The following AP3M1 variants were observed in gnomAD, a reference collection of about 807,000 sequenced individuals.
The protein encoded by AP3M1 is AP-3 complex subunit mu-1.
Under a neutral mutation model 42.6 loss-of-function variants are expected in AP3M1, and 29 were observed. That is an observed-to-expected ratio of 0.68 (90% CI 0.51 to 0.93). The LOEUF (loss-of-function observed/expected upper bound fraction) is 0.93, where lower values mean the gene tolerates loss of function less well. AP3M1 is among the 40% of genes least tolerant of loss of function. The pLI, the probability that AP3M1 is intolerant of heterozygous loss-of-function variation, is 0.00. For missense variants in AP3M1, 416 were observed against 510.2 expected, an observed-to-expected ratio of 0.82 and a Z score of 1.78; for synonymous variants, 178 against 175.3, an observed-to-expected ratio of 1.02 and a Z score of -0.12.
intron 1 of AP3M1, among the ~76,000 whole-genome samples, chr10:74,139,460 A>C (rs533003601): frequency 3.5e-4 from 53 of 151,770 alleles, no homozygotes; most frequent in South Asian, 2.9e-3. Flanking sequence ...TTAAAAAAAA[A>C]AAAACAAAAC....
At chr10:74,126,828 G>A (rs1840629771) in intron 6 of AP3M1, among the ~76,000 whole-genome samples, 1 of 151,220 alleles carries the variant, frequency 6.6e-6, no homozygotes, top group Non-Finnish European at 1.5e-5. Flanking sequence ...AAAATTAGCT[G>A]GGTGTGGTGG....
chr10:74,142,711 T>C (rs1300445316), intron 1 of AP3M1, among the ~76,000 whole-genome samples: 2 of 152,234 alleles, frequency 1.3e-5, no homozygotes, highest in African/African-American at 2.4e-5. Context: ...CTTTGCTTAG[T>C]AGGCTTGCTT....
intron 7 of AP3M1, among the ~76,000 whole-genome samples, 192 bp from the exon 8 acceptor site, chr10:74,124,716 A>T (rs7904207): frequency 0.17 from 25,703 of 152,140 alleles, 2,516 homozygotes; most frequent in African/African-American, 0.27. Flanking sequence ...AGAGCAGAGA[A>T]TCTACATTTG....
At chr10:74,138,976 A>G (rs2131987112) in intron 1 of AP3M1, 1 of 151,862 alleles carries the variant, frequency 6.6e-6, no homozygotes, top group South Asian at 2.1e-4. Context: ...TAACCTGATG[A>G]AAACCCCACA....
intron 4 of AP3M1, among the ~76,000 whole-genome samples, chr10:74,132,568 G>A (rs569616921): frequency 1.4e-4 from 22 of 151,842 alleles, no homozygotes; most frequent in Middle Eastern, 3.4e-3. Context: ...GGTGGCGTGT[G>A]GCGTGTACCT....
intron 1 of AP3M1, among the ~76,000 whole-genome samples, chr10:74,147,100 T>C (rs1056156469): frequency 3.3e-5 from 5 of 152,008 alleles, no homozygotes; most frequent in African/African-American, 1.2e-4. Flanking sequence ...CTGGCCAACA[T>C]GGTGAAATCC....
intron 1 of AP3M1, among the ~76,000 whole-genome samples, chr10:74,149,180 A>G (rs1237222022): frequency 2.0e-5 from 3 of 147,376 alleles, no homozygotes; most frequent in Non-Finnish European, 4.5e-5. Context: ...GCCGTATATT[A>G]TATTAAATGG....
At chr10:74,132,377 AC>A (rs1564547274) in intron 4 of AP3M1, among the ~76,000 whole-genome samples, 1 of 152,102 alleles carries the variant, frequency 6.6e-6, no homozygotes, top group Non-Finnish European at 1.5e-5. Flanking sequence ...CTTATAGAGT[AC>A]TATTGTTTTG....
At chr10:74,133,108 G>A (rs1411465111) in intron 4 of AP3M1, among the ~76,000 whole-genome samples, 3 of 151,776 alleles carry the variant, frequency 2.0e-5, no homozygotes, top group African/African-American at 7.3e-5. Flanking sequence ...CAAAAAATTA[G>A]CCAGGGCCGG....
rs1840504138 is a variant in AP3M1, at chr10:74,122,735, C to T, written c.*1075G>A. On this transcript the variant is annotated 3_prime_UTR_variant, in exon 9 of 9. Transcript: ENST00000355264. The stretch of plus-strand genomic sequence containing the variant: ...TATGACTATAGCTTTGGGAAGCACA[C>T]AATATGAAAAGGGAATTTCCCCTAA... The T allele has an allele frequency of 6.6e-6, 1 of 152,142 alleles. No individual in the cohort carries two copies. Among genetic ancestry groups the T allele is most frequent in the Admixed American group, 6.5e-5 (1 of 15,272 alleles). 9.4% of individuals were successfully genotyped at this position (152,142 alleles called of 1,614,324 possible).
chr10:74,129,310 G>A (rs998982691), intron 5 of AP3M1, 69 bp from the exon 6 acceptor site: 87 of 1,512,170 alleles, frequency 5.8e-5, no homozygotes, highest in Non-Finnish European at 7.6e-5. Flanking sequence ...CAGATACCTT[G>A]ACAAATATGT....
At chr10:74,140,022 GAAC>G (rs1011122146) in intron 1 of AP3M1, among the ~76,000 whole-genome samples, 2 of 152,084 alleles carry the variant, frequency 1.3e-5, no homozygotes, top group African/African-American at 2.4e-5. Flanking sequence ...TCTTGAAAAG[GAAC>G]AACAGGGGCG....
chr10:74,129,960 T>C lies in AP3M1; in HGVS notation c.616A>G (p.Ile206Val), dbSNP rs1435134089. Residue 206 changes from isoleucine (I) to valine (V), a missense_variant, in exon 5 of 9, where the codon ATT becomes GTT. By Grantham distance (29) the Ile-to-Val change is conservative. Transcript: ENST00000355264. ...STVFAEIQGV[I>V]DACIKLSGMP... ...CCAGATAGTTTAATGCAAGCATCAA[T>C]GACCCCCTGAATTTCTGCAAAGACT... is the stretch of plus-strand genomic sequence containing the variant. 2.5e-6 allele frequency: 4 copies of C among 1,612,656 alleles called. No homozygotes were observed. Among genetic ancestry groups the C allele is most frequent in the African/African-American group, 1.3e-5 (1 of 74,482 alleles).
Position 74,134,180 on chromosome 10 carries a change from G to A in AP3M1, c.446-16C>T, listed in dbSNP as rs1366942233. The A allele has an allele frequency of 1.9e-6, 3 of 1,610,152 alleles. No individual in the cohort carries two copies. The Admixed American group carries it at 5.1e-5, about 27-fold the overall frequency. On this transcript the variant is annotated splice_polypyrimidine_tract_variant and intron_variant, in intron 3 of 8. Coordinates refer to ENST00000355264, the MANE Select transcript of AP3M1 (RefSeq NM_012095.6). ...TTACTACTGCCTAGAAACCAAAAAA[G>A]GAGAAGGCAAAGCTGATGTATAAAA...
chr10:74,121,468 T>C lies in AP3M1; in HGVS notation c.*2342A>G, dbSNP rs1422231413. The stretch of plus-strand genomic sequence containing the variant: ...TGTAACTCTGTGCTTGAAAAATATT[T>C]TACTACTACTAAGTATTCAGAAATC... On this transcript the variant is annotated 3_prime_UTR_variant, in exon 9 of 9. Coordinates refer to ENST00000355264, the MANE Select transcript of AP3M1 (RefSeq NM_012095.6). The C allele has an allele frequency of 6.6e-6, 1 of 152,258 alleles. No homozygotes were observed. Among genetic ancestry groups the C allele is most frequent in the Admixed American group, 6.5e-5 (1 of 15,282 alleles). 9.4% of individuals were successfully genotyped at this position (152,258 alleles called of 1,614,324 possible). A position where few individuals can be genotyped will look rare whatever the true frequency, so the allele number is the denominator to read the frequency against.
At chr10:74,125,692 G>A (rs757679751) in intron 7 of AP3M1, among the ~76,000 whole-genome samples, 20 of 152,210 alleles carry the variant, frequency 1.3e-4, no homozygotes, top group Non-Finnish European at 2.5e-4. Flanking sequence ...TAAGTAGAGT[G>A]AGGAAGCAAC....
chr10:74,137,895 C>A lies in AP3M1; in HGVS notation c.273+212G>T, dbSNP rs1018554127. ...ATGCAGAACCCATGTATATGGAGAGCCAACTGTAATCTGTAATACATATAA... is the reference window on the plus strand; with the variant it reads ...ATGCAGAACCCATGTATATGGAGAGACAACTGTAATCTGTAATACATATAA... On this transcript the variant is annotated intron_variant, in intron 2 of 8. Transcript: ENST00000355264. Among the ~76,000 whole-genome samples the A allele has an allele frequency of 3.3e-5, 5 of 152,030 alleles. 1 individual carries two copies. In the South Asian group the frequency reaches 1.0e-3, roughly 32 times the overall value.
At position 74,124,527 on chromosome 10, in the gene AP3M1, TAA is replaced by T; in HGVS notation, c.1012-5_1012-4del. ...TTTCCCACATCCCATGTTAGTACCT[TAA>T]AAAGACAAAAAATGAAAAACAAATA... On this transcript the variant is annotated splice_region_variant and splice_polypyrimidine_tract_variant and intron_variant, in intron 7 of 8. Coordinates refer to ENST00000355264, the MANE Select transcript of AP3M1 (RefSeq NM_012095.6). 1.1e-5 allele frequency: 17 copies of T among 1,575,694 alleles called. No individual in the cohort carries two copies. Among genetic ancestry groups the T allele is most frequent in the African/African-American group, 1.4e-5 (1 of 72,568 alleles).
intron 1 of AP3M1, 125 bp from the exon 2 acceptor site, chr10:74,138,507 A>AAATCAATCAACATG (rs1005279942): frequency 9.0e-6 from 7 of 779,232 alleles, no homozygotes; most frequent in African/African-American, 8.8e-5. Flanking sequence ...CAACATACAA[A>AAATCAATCAACATG]AATCAATCAA....
Sources: gnomAD v4.1 joint callset for allele counts (sites outside exome capture counted in the v4.1 genomes callset) on GRCh38, gnomAD v4.1.1 for gene constraint, MANE v1.5 for transcripts, NCBI Gene and HGNC (gene_info 2026-07-23, HGNC 2026-07-21) for gene names.